FANCI: variants seen among roughly 807,000 people sequenced by gnomAD.
The protein encoded by FANCI is FA complementation group I.
Under a neutral mutation model 176.1 loss-of-function variants are expected in FANCI, and 156 were observed. That is an observed-to-expected ratio of 0.89 (90% CI 0.78 to 1.01). The LOEUF is 1.01. Among genes scored for constraint, FANCI ranks in the 50% least tolerant of loss-of-function variants. The pLI, the probability that FANCI is intolerant of heterozygous loss-of-function variation, is 0.00. For missense variants in FANCI, 1,678 were observed against 1,534.1 expected (o/e 1.09, Z -1.57); for synonymous variants, 613 against 541.7 (o/e 1.13, Z -1.83).
intron 2 of FANCI, among the ~76,000 whole-genome samples, chr15:89,252,221 A>G (rs909613975): frequency 2.0e-5 from 3 of 151,312 alleles, no homozygotes; most frequent in African/African-American, 7.3e-5. Flanking sequence ...AATCACTTGA[A>G]CCTGGGAGGT....
chr15:89,272,041 G>A (rs1348938069), intron 10 of FANCI, among the ~76,000 whole-genome samples: 1 of 152,094 alleles, frequency 6.6e-6, no homozygotes. Context: ...TTTCCAAAAC[G>A]GTATCATTTT....
chr15:89,314,614 CAG>C lies in FANCI; in HGVS notation c.3726_3727del (p.Arg1242SerfsTer10), dbSNP rs2055130087. 1 of 1,613,168 alleles carries C rather than the reference CAG, an allele frequency of 6.2e-7. No homozygotes were observed. The highest frequency in any genetic ancestry group is 8.5e-7 in the Non-Finnish European group (1 of 1,179,258). On this transcript the variant is annotated frameshift_variant, in exon 36 of 38. Transcript: ENST00000310775. LOFTEE classifies it high-confidence loss of function. Reference sequence around the variant, plus strand: ...AGTCTTATGTTCTTTGCCCTTAGGCCAGAGTTCTTCGGGAAACCAAGCCAATC... The same window carrying C: ...AGTCTTATGTTCTTTGCCCTTAGGCCAGTTCTTCGGGAAACCAAGCCAATC... ...KPAAVATAMA[R>X]VLRETKPIPN... is the part of the protein sequence containing the mutation.
At chr15:89,297,114 C>G (rs1023073675) in intron 24 of FANCI, among the ~76,000 whole-genome samples, 5 of 151,006 alleles carry the variant, frequency 3.3e-5, no homozygotes, top group African/African-American at 1.2e-4. Context: ...CTCCTCACTT[C>G]TCAGACGGGG....
chr15:89,311,575 G>A (rs535781488), intron 34 of FANCI, among the ~76,000 whole-genome samples: 2 of 152,274 alleles, frequency 1.3e-5, no homozygotes, highest in Non-Finnish European at 2.9e-5. Flanking sequence ...GGTCAGTGAG[G>A]TCGATCCGTG....
chr15:89,302,002 C>T (rs1301581033), intron 27 of FANCI, among the ~76,000 whole-genome samples: 2 of 152,142 alleles, frequency 1.3e-5, no homozygotes, highest in Non-Finnish European at 1.5e-5. Context: ...AGCTGTGTAC[C>T]CACATGAGCG....
At chr15:89,254,330 C>T (rs539020731) in intron 2 of FANCI, among the ~76,000 whole-genome samples, 3 of 152,162 alleles carry the variant, frequency 2.0e-5, no homozygotes, top group African/African-American at 7.2e-5. Context: ...TAAGTTTATG[C>T]GTGGGCAGGA....
At chr15:89,311,076 T>C (rs1186211412) in intron 34 of FANCI, among the ~76,000 whole-genome samples, 11 of 150,440 alleles carry the variant, frequency 7.3e-5, no homozygotes, top group Admixed American at 7.2e-4. Flanking sequence ...GCCAACATGG[T>C]GAAACCCCAT....
chr15:89,292,575 A>G (rs1189174647), intron 20 of FANCI, 113 bp from the exon 21 acceptor site: 1 of 1,061,860 alleles, frequency 9.4e-7, no homozygotes, highest in Non-Finnish European at 1.4e-6. Context: ...TTGTAACGCC[A>G]ATGAATCATT....
chr15:89,296,802 G>T (rs923009153), intron 24 of FANCI, among the ~76,000 whole-genome samples: 8 of 149,366 alleles, frequency 5.4e-5, no homozygotes, highest in East Asian at 2.0e-4. Context: ...CTGGCCAGGT[G>T]GGGGGCTGAC....
rs763661918 is a variant in FANCI at position 89,261,646 on chromosome 15, G to C, written c.350G>C (p.Arg117Thr). 1 of 1,614,134 alleles carries C rather than the reference G, an allele frequency of 6.2e-7. No homozygotes were observed. Among genetic ancestry groups the C allele is most frequent in the Non-Finnish European group, 8.5e-7 (1 of 1,179,970 alleles). ...GCCAATGAGTTTATTAGTGCTGTCA[G>C]AGAAGGCAGCCTAGTGAATGGAAAA... Reference protein sequence around the residue: ...ELANEFISAVREGSLVNGKSL... With the variant: ...ELANEFISAVTEGSLVNGKSL... Residue 117 changes from arginine to threonine, a missense_variant, in exon 5 of 38, where the codon AGA (arginine) becomes ACA (threonine). This residue lies in a region of FANCI where 469 missense variants were observed against 436.9 expected (regional missense o/e 1.07). Coordinates refer to ENST00000310775, the MANE Select transcript of FANCI (RefSeq NM_001113378.2).
At chr15:89,314,827 T>TTC (rs2055143866) in intron 36 of FANCI, 120 bp downstream of exon 36, 1 of 327,756 alleles carries the variant, frequency 3.1e-6, no homozygotes, top group Non-Finnish European at 5.1e-6. Context: ...GTGTTTGCCA[T>TTC]CCCCCCTCTC....
At chr15:89,253,641 G>A (rs1727026439) in intron 2 of FANCI, among the ~76,000 whole-genome samples, 1 of 152,086 alleles carries the variant, frequency 6.6e-6, no homozygotes, top group Non-Finnish European at 1.5e-5. Context: ...TGCAAGAAAA[G>A]ATAAGTTTGT....
chr15:89,291,353 G>A (rs1229934070), intron 19 of FANCI, among the ~76,000 whole-genome samples: 1 of 152,102 alleles, frequency 6.6e-6, no homozygotes, highest in East Asian at 1.9e-4. Flanking sequence ...CAAGTTAACT[G>A]AAAATGTTGA....
In FANCI at chr15:89,294,067, T is replaced by C. The variant is rs2054165225; in HGVS notation, c.2456+70T>C. 5 of 1,519,624 alleles carry C rather than the reference T, an allele frequency of 3.3e-6. No homozygotes were observed. The Admixed American group carries it at 8.4e-5, about 25-fold the overall frequency. The allele number at this position is 1,519,624 out of a possible 1,614,324, so 94.1% of individuals were successfully genotyped here. Reference sequence around the variant, plus strand: ...TCGTATACCTACCTAGGCTCACTTGTTTCACCTCGTTTGGATTGTTTACAG... The same window carrying C: ...TCGTATACCTACCTAGGCTCACTTGCTTCACCTCGTTTGGATTGTTTACAG... On this transcript the variant is annotated intron_variant, in intron 23 of 37. Coordinates refer to ENST00000310775, the MANE Select transcript of FANCI (RefSeq NM_001113378.2).
At chr15:89,312,841 A>C in intron 34 of FANCI, 63 bp from the exon 35 acceptor site, 7 of 1,294,960 alleles carry the variant, frequency 5.4e-6, no homozygotes, top group South Asian at 1.3e-5. Context: ...AAAAATTAGC[A>C]CTAGCATGCT....
At chr15:89,258,647 A>T in intron 2 of FANCI, 57 bp from the exon 3 acceptor site, 1 of 1,263,810 alleles carries the variant, frequency 7.9e-7, no homozygotes, top group Non-Finnish European at 1.2e-6. Context: ...TTGAGTGTTT[A>T]GGTCATTGGG....
rs201796281 is a variant in FANCI at position 89,260,764 on chromosome 15, C to T, written c.209C>T (p.Thr70Ile). 1.5e-5 allele frequency: 25 copies of T among 1,613,950 alleles called. No homozygotes were observed. Among genetic ancestry groups the T allele is most frequent in the African/African-American group, 2.7e-5 (2 of 75,012 alleles). The change falls in exon 4 of 38, where the codon ACT becomes ATT. Residue 70 changes from threonine to isoleucine, a missense_variant. By Grantham distance (89) the Thr-to-Ile change is moderately conservative (BLOSUM62 -1). Transcript: ENST00000310775. ...AGTLRRRKIYTCCIQLVESGD... is the reference protein window; with the variant it reads ...AGTLRRRKIYICCIQLVESGD... ...ACACTTAGGAGACGTAAGATATACA[C>T]TTGTTGTATCCAGTTGGTGGAATCG... is the stretch of plus-strand genomic sequence containing the variant.
chr15:89,302,153 A>G (rs2054545798), intron 27 of FANCI, among the ~76,000 whole-genome samples: 1 of 152,198 alleles, frequency 6.6e-6, no homozygotes, highest in Admixed American at 6.5e-5. Flanking sequence ...GGCTTGAGAA[A>G]GACAATGAAG....
intron 27 of FANCI, 73 bp downstream of exon 27, chr15:89,301,515 T>G: frequency 1.0e-6 from 1 of 1,002,360 alleles, no homozygotes; most frequent in Non-Finnish European, 1.6e-6. Context: ...TAAAAGTGTA[T>G]ATCTAAATGT....
Sources: gnomAD v4.1 joint callset for allele counts (sites outside exome capture counted in the v4.1 genomes callset) on GRCh38, gnomAD v4.1.1 for gene constraint, gnomAD v4.1.1 regional missense constraint, MANE v1.5 for transcripts, NCBI Gene and HGNC (gene_info 2026-07-23, HGNC 2026-07-21) for gene names.